Variants in FCSK observed in about 807,000 individuals in gnomAD.
FCSK encodes fucose kinase, also known as L-fucose kinase.
FCSK carries 123 observed loss-of-function variants against 122.5 expected under a neutral mutation model. That is an observed-to-expected ratio of 1.00 (90% CI 0.87 to 1.17). The LOEUF is 1.17. Among genes scored for constraint, FCSK ranks in the 50% most tolerant of loss-of-function variants. The pLI, the probability that FCSK is intolerant of heterozygous loss-of-function variation, is 0.00. For synonymous variants in FCSK, 620 were observed against 625.5 expected, an observed-to-expected ratio of 0.99 and a Z score of 0.13; for missense variants, 1,366 against 1,450.4, an observed-to-expected ratio of 0.94 and a Z score of 0.95.
At position 70,473,743 on chromosome 16, in the gene FCSK, C is replaced by T. The variant is rs1218203410; in HGVS notation, c.1778-386C>T. On this transcript the variant is annotated intron_variant, in intron 15 of 23. Transcript: ENST00000288078. The surrounding 1 kb of genome is among the most constrained non-coding windows in gnomAD (Gnocchi z 4.9). Reference sequence around the variant, plus strand: ...AAGCACACTTCCGGGGGCTCACAGCCTTAGCCTCCTAGGCTGAACCTCATG... The same window carrying T: ...AAGCACACTTCCGGGGGCTCACAGCTTTAGCCTCCTAGGCTGAACCTCATG... Among the ~76,000 whole-genome samples the T allele has an allele frequency of 2.6e-5, 4 of 152,192 alleles. No homozygotes were observed. Among genetic ancestry groups the T allele is most frequent in the Non-Finnish European group, 2.9e-5 (2 of 68,028 alleles).
At chr16:70,459,373 C>A (rs1209178231) in intron 1 of FCSK, among the ~76,000 whole-genome samples, 1 of 151,936 alleles carries the variant, frequency 6.6e-6, no homozygotes, top group Non-Finnish European at 1.5e-5. Context: ...CCTGTCTTTA[C>A]TAAAAATACA....
rs771084084 is a variant in FCSK at position 70,470,951 on chromosome 16, C to T, written c.1069-20C>T. 7 of 1,559,256 alleles carry T rather than the reference C, an allele frequency of 4.5e-6. No homozygotes were observed. The highest frequency in any genetic ancestry group is 3.5e-5 in the South Asian group (3 of 85,328). On this transcript the variant is annotated intron_variant, in intron 11 of 23. Transcript: ENST00000288078. The stretch of plus-strand genomic sequence containing the variant: ...CCTGGGCCTCGACCCCCCTCATGCT[C>T]CTCCTACCTGGCTGCACAGGAGCAG...
At chr16:70,459,398 G>GT (rs1277880601) in intron 1 of FCSK, among the ~76,000 whole-genome samples, 1 of 151,772 alleles carries the variant, frequency 6.6e-6, no homozygotes, top group Non-Finnish European at 1.5e-5. Context: ...TTAGTCAGGC[G>GT]TGGTGGCACA....
intron 11 of FCSK, 130 bp downstream of exon 11, chr16:70,470,556 G>C: frequency 1.5e-6 from 1 of 648,704 alleles, no homozygotes; most frequent in East Asian, 2.7e-5. Context: ...GTTTACACAT[G>C]AAGTGCTGGA....
intron 1 of FCSK, chr16:70,457,913 T>C (rs1597597162): frequency 6.6e-6 from 1 of 151,916 alleles, no homozygotes; most frequent in African/African-American, 2.4e-5. Flanking sequence ...TGTCTTTCAG[T>C]GCCTTTGCTT....
At position 70,469,149 on chromosome 16, in the gene FCSK, T is replaced by A. The variant is rs1341958293; in HGVS notation, c.784-3T>A. On this transcript the variant is annotated splice_region_variant and splice_polypyrimidine_tract_variant and intron_variant, in intron 9 of 23. Transcript: ENST00000288078. Reference sequence around the variant, plus strand: ...ATAGCTGTGCTTCTTCCCCTTCCCCTAGCTGTCTCTGTTTTTTGACATTCT... The same window carrying A: ...ATAGCTGTGCTTCTTCCCCTTCCCCAAGCTGTCTCTGTTTTTTGACATTCT... The A allele has an allele frequency of 6.2e-7, 1 of 1,614,070 alleles. No individual in the cohort carries two copies. Among genetic ancestry groups the A allele is most frequent in the Admixed American group, 1.7e-5 (1 of 60,032 alleles).
In FCSK at chr16:70,474,946, T is replaced by G; in HGVS notation, c.2312T>G (p.Met771Arg). The G allele has an allele frequency of 6.2e-7, 1 of 1,611,762 alleles. No individual in the cohort carries two copies. The highest frequency in any genetic ancestry group is 2.2e-5 in the East Asian group (1 of 44,818). Reference protein sequence around the residue: ...WLAVGPRQDEMTVKIVCRCLA... With the variant: ...WLAVGPRQDERTVKIVCRCLA... ...GCGGTGGGGCCTCGGCAGGATGAGA[T>G]GACTGTGAAGATAGTGTGCCGGTGC... The change falls in exon 18 of 24, where the codon ATG (methionine) becomes AGG (arginine). Residue 771 changes from methionine to arginine, a missense_variant. Coordinates refer to ENST00000288078, the MANE Select transcript of FCSK (RefSeq NM_145059.3).
chr16:70,472,694 C>G (rs1041121324), intron 14 of FCSK, 89 bp downstream of exon 14: 6 of 1,088,408 alleles, frequency 5.5e-6, no homozygotes, highest in Non-Finnish European at 8.0e-6. Context: ...TGCCCCAGAG[C>G]AGCACGGGCC....
rs1362273415 is a variant in FCSK, at chr16:70,475,372, C to T, written c.2400C>T (p.Phe800=). Residue 800 remains phenylalanine, a synonymous_variant, in exon 19 of 24, where the codon TTC becomes TTT. Coordinates refer to ENST00000288078, the MANE Select transcript of FCSK (RefSeq NM_145059.3). The stretch of plus-strand genomic sequence containing the variant: ...CAGGGGCCCTGCTGAAGGCGGCCTT[C>T]ATCTGTGCAGGGATCGTGCATGTCC... The part of the protein sequence containing the change: ...HAPGALLKAA[F]ICAGIVHVHS... 6.2e-7 allele frequency: 1 copy of T among 1,610,842 alleles called. No individual in the cohort carries two copies. The highest frequency in any genetic ancestry group is 2.2e-5 in the East Asian group (1 of 44,868).
At chr16:70,470,189 T>G in intron 10 of FCSK, 125 bp from the exon 11 acceptor site, 1 of 683,792 alleles carries the variant, frequency 1.5e-6, no homozygotes, top group South Asian at 1.7e-5. Context: ...GGCAGGTTCC[T>G]GACTCAGCTT....
In FCSK at chr16:70,472,553, G is replaced by A. The variant is rs778922748; in HGVS notation, c.1354G>A (p.Gly452Ser). The A allele has an allele frequency of 2.0e-5, 33 of 1,612,896 alleles. No individual in the cohort carries two copies. The highest frequency in any genetic ancestry group is 2.7e-5 in the Non-Finnish European group (32 of 1,179,504). ...TCCTCTCCCCCAGAGACAGGGGGCA[G>A]GCACATATCTCAACGTGCCCTGGAG... ...RLDSWERQGA[G>S]TYLNVPWSEF... Residue 452 changes from glycine (G) to serine (S), a missense_variant, in exon 14 of 24, where the codon GGC becomes AGC. Gly to Ser is a moderately conservative substitution (Grantham distance 56, BLOSUM62 0). Transcript: ENST00000288078.
chr16:70,473,180 C>T lies in FCSK; in HGVS notation c.1604C>T (p.Pro535Leu), dbSNP rs771865088. ...CGCCTGTCCTGGGAGCAGCTGCAGC[C>T]GTGCCTGGATCGGGCTGCCACGCTG... ...SWRLSWEQLQ[P>L]CLDRAATLAS... Residue 535 changes from proline (P) to leucine (L), a missense_variant, in exon 15 of 24, where the codon CCG becomes CTG. Physicochemically the swap from Pro to Leu is moderately conservative, Grantham distance 98. Transcript: ENST00000288078. The surrounding 1 kb of genome is among the most constrained non-coding windows in gnomAD (Gnocchi z 4.9). 141 of 1,541,250 alleles carry T rather than the reference C, an allele frequency of 9.1e-5. No homozygotes were observed. Among genetic ancestry groups the T allele is most frequent in the Non-Finnish European group, 1.1e-4 (127 of 1,147,016 alleles).
chr16:70,458,378 T>G (rs1159509007), intron 1 of FCSK, among the ~76,000 whole-genome samples: 1 of 151,758 alleles, frequency 6.6e-6, no homozygotes, highest in Non-Finnish European at 1.5e-5. Context: ...CAGGCTGGTC[T>G]CAAACTCCTG....
chr16:70,473,413 C>T lies in FCSK; in HGVS notation c.1777+60C>T. ...GCCAGGGGCACCTGCCCTCCCTGTC[C>T]TCTGGGCCATCCCCTGAGGGGACTA... On this transcript the variant is annotated intron_variant, in intron 15 of 23. Coordinates refer to ENST00000288078, the MANE Select transcript of FCSK (RefSeq NM_145059.3). This position sits in a 1 kb window ranked among gnomAD's most constrained non-coding sequence, Gnocchi z 4.9. The T allele has an allele frequency of 1.4e-6, 2 of 1,443,018 alleles. No individual in the cohort carries two copies. Among genetic ancestry groups the T allele is most frequent in the Middle Eastern group, 2.6e-4 (1 of 3,902 alleles). The allele number at this position is 1,443,018 out of a possible 1,614,324, so 89.4% of individuals were successfully genotyped here.
Position 70,479,863 on chromosome 16 carries a change from A to G in FCSK, c.*183A>G. 1.8e-6 allele frequency: 1 copy of G among 563,020 alleles called. No homozygotes were observed. Among genetic ancestry groups the G allele is most frequent in the South Asian group, 2.3e-5 (1 of 43,816 alleles). 34.9% of individuals were successfully genotyped at this position (563,020 alleles called of 1,614,324 possible). A position where few individuals can be genotyped will look rare whatever the true frequency, so the allele number is the denominator to read the frequency against. Reference sequence around the variant, plus strand: ...CTGGGACAGGACTGTGACCTGGTGGACAGGGGCCTAGATGTAGCCTCTGTT... The same window carrying G: ...CTGGGACAGGACTGTGACCTGGTGGGCAGGGGCCTAGATGTAGCCTCTGTT... On this transcript the variant is annotated 3_prime_UTR_variant, in exon 24 of 24. Transcript: ENST00000288078.
intron 7 of FCSK, 31 bp from the exon 8 acceptor site, chr16:70,467,855 C>T: frequency 4.4e-6 from 7 of 1,591,274 alleles, no homozygotes; most frequent in Non-Finnish European, 6.0e-6. Context: ...TTCCTGCTCC[C>T]TCCGCTGATT....
chr16:70,466,015 A>T, intron 4 of FCSK, 117 bp from the exon 5 acceptor site: 1 of 1,053,750 alleles, frequency 9.5e-7, no homozygotes, highest in Non-Finnish European at 1.4e-6. Flanking sequence ...GTAGGAGAAA[A>T]TATCAAGAGA....
At chr16:70,456,265 G>C (rs1432537462) in intron 1 of FCSK, among the ~76,000 whole-genome samples, 1 of 152,190 alleles carries the variant, frequency 6.6e-6, no homozygotes, top group Non-Finnish European at 1.5e-5. Context: ...CAACCTAATA[G>C]CTATGTTTCT....
Position 70,479,970 on chromosome 16 carries a change from G to C in FCSK, c.*290G>C, listed in dbSNP as rs1275923141. ...TATGGCTGGCCTTCTCATTCCACAA[G>C]GGCCCTGGAAAGGGTTGACAGCCAG... On this transcript the variant is annotated 3_prime_UTR_variant, in exon 24 of 24. Transcript: ENST00000288078. 7.0e-6 allele frequency: 2 copies of C among 285,596 alleles called. No homozygotes were observed. The highest frequency in any genetic ancestry group is 9.3e-5 in the Admixed American group (2 of 21,464). The allele number at this position is 285,596 out of a possible 1,614,324, so 17.7% of individuals were successfully genotyped here.
Sources: gnomAD v4.1 joint callset for allele counts (sites outside exome capture counted in the v4.1 genomes callset) on GRCh38, gnomAD v4.1.1 for gene constraint, Gnocchi (gnomAD v3.1) non-coding constraint, MANE v1.5 for transcripts, NCBI Gene and HGNC (gene_info 2026-07-23, HGNC 2026-07-21) for gene names.